PTPRD: variants seen among roughly 807,000 people sequenced by gnomAD.
PTPRD encodes protein tyrosine phosphatase receptor type D, also known as receptor-type tyrosine-protein phosphatase delta.
Under a neutral mutation model 214.5 loss-of-function variants are expected in PTPRD, and 34 were observed. That is an observed-to-expected ratio of 0.16 (90% CI 0.12 to 0.21). The LOEUF is 0.21. Among genes scored for constraint, PTPRD ranks in the 10% least tolerant of loss-of-function variants. PTPRD has a pLI of 1.00. For missense variants in PTPRD, 2,545 were observed against 2,398.7 expected (o/e 1.06, Z -1.27); for synonymous variants, 1,128 against 845.7 (o/e 1.33, Z -5.79).
At chr9:10,579,349 A>G (rs549477698) in intron 2 of PTPRD, among the ~76,000 whole-genome samples, 2 of 152,214 alleles carry the variant, frequency 1.3e-5, no homozygotes, top group South Asian at 4.1e-4. Flanking sequence ...TCCCACTTAT[A>G]AGTGAGAACG....
At chr9:9,934,708 C>A (rs2088440688) in intron 5 of PTPRD, among the ~76,000 whole-genome samples, 1 of 151,470 alleles carries the variant, frequency 6.6e-6, no homozygotes, top group Non-Finnish European at 1.5e-5. Context: ...AAGAGGGAAT[C>A]CTCCCTAACT....
intron 11 of PTPRD, among the ~76,000 whole-genome samples, chr9:8,789,113 C>G (rs1378020517): frequency 2.6e-5 from 4 of 152,132 alleles, no homozygotes; most frequent in Non-Finnish European, 5.9e-5. Context: ...TGAAGGATGA[C>G]TCCAAAGGCA....
chr9:9,645,909 G>T (rs557271337), intron 7 of PTPRD, among the ~76,000 whole-genome samples: 1 of 152,120 alleles, frequency 6.6e-6, no homozygotes, highest in East Asian at 1.9e-4. Context: ...ATTATTAATT[G>T]TTGTGGATAC....
At chr9:8,364,674 G>A (rs1321201758) in intron 39 of PTPRD, among the ~76,000 whole-genome samples, 1 of 152,208 alleles carries the variant, frequency 6.6e-6, no homozygotes, top group Non-Finnish European at 1.5e-5. Context: ...TCCAGGCACT[G>A]CCGCAAGGCA....
At chr9:9,080,869 C>G (rs534557004) in intron 10 of PTPRD, among the ~76,000 whole-genome samples, 4 of 151,830 alleles carry the variant, frequency 2.6e-5, no homozygotes, top group Non-Finnish European at 4.4e-5. Flanking sequence ...TTTATTGCAT[C>G]TATTTGGTTC....
At chr9:9,802,011 T>G (rs1409153646) in intron 5 of PTPRD, among the ~76,000 whole-genome samples, 1 of 152,030 alleles carries the variant, frequency 6.6e-6, no homozygotes, top group Admixed American at 6.6e-5. Flanking sequence ...TGGTGAGTAT[T>G]GAGAAAAAAA....
At chr9:10,545,290 G>A (rs1311978646) in intron 2 of PTPRD, among the ~76,000 whole-genome samples, 1 of 152,154 alleles carries the variant, frequency 6.6e-6, no homozygotes, top group Non-Finnish European at 1.5e-5. Flanking sequence ...TTCCCTGCAT[G>A]CCTGGAGGTA....
intron 14 of PTPRD, among the ~76,000 whole-genome samples, chr9:8,556,746 G>GT (rs918706168): frequency 4.7e-4 from 71 of 151,948 alleles, no homozygotes; most frequent in African/African-American, 1.7e-3. Context: ...ATTTTGACAG[G>GT]TAAAAAAAGT....
At chr9:10,465,572 G>C (rs1344562855) in intron 2 of PTPRD, among the ~76,000 whole-genome samples, 1 of 152,200 alleles carries the variant, frequency 6.6e-6, no homozygotes, top group African/African-American at 2.4e-5. Context: ...TCTATCACCT[G>C]GTGTTATTGT....
chr9:8,394,432 C>T (rs909419073), intron 36 of PTPRD, among the ~76,000 whole-genome samples: 1 of 152,088 alleles, frequency 6.6e-6, no homozygotes, highest in Admixed American at 6.6e-5. Flanking sequence ...GGTAAAGTCA[C>T]GTGTGCATTT....
intron 3 of PTPRD, among the ~76,000 whole-genome samples, chr9:10,256,243 C>G (rs1164199054): frequency 6.6e-6 from 1 of 152,116 alleles, no homozygotes; most frequent in Non-Finnish European, 1.5e-5. Context: ...GCCTAGACCT[C>G]TACAGGGTCA....
At chr9:9,803,438 T>A (rs1168627893) in intron 5 of PTPRD, among the ~76,000 whole-genome samples, 1 of 152,004 alleles carries the variant, frequency 6.6e-6, no homozygotes, top group Non-Finnish European at 1.5e-5. Context: ...ATTTATTTTC[T>A]TAAATTAATG....
Position 10,459,080 on chromosome 9 carries a change from G to C in PTPRD, c.-599-118063C>G, listed in dbSNP as rs141764779. On this transcript the variant is annotated intron_variant, in intron 2 of 45. Coordinates refer to ENST00000381196, the MANE Select transcript of PTPRD (RefSeq NM_002839.4). Reference sequence around the variant, plus strand: ...CCATCCATGACAGGCCCCAGTGTGTGATGTTCCTCTCTCTGTGTCCCTGTG... The same window carrying C: ...CCATCCATGACAGGCCCCAGTGTGTCATGTTCCTCTCTCTGTGTCCCTGTG... Among the ~76,000 whole-genome samples the C allele has an allele frequency of 4.9e-4, 74 of 152,122 alleles. 1 individual carries two copies. In the East Asian group the frequency reaches 0.014, roughly 28 times the overall value.
intron 8 of PTPRD, among the ~76,000 whole-genome samples, chr9:9,442,964 C>T (rs1009137347): frequency 6.6e-5 from 10 of 152,044 alleles, no homozygotes; most frequent in African/African-American, 2.2e-4. Flanking sequence ...TATGTATGCA[C>T]GTACATATAT....
intron 11 of PTPRD, among the ~76,000 whole-genome samples, chr9:8,939,476 A>AT (rs200750322): frequency 0.015 from 2,260 of 152,206 alleles, 25 homozygotes; most frequent in Middle Eastern, 0.02. Context: ...ATAAAGTATT[A>AT]TTTTTTCTCC....
At chr9:9,497,355 C>T (rs534831711) in intron 8 of PTPRD, among the ~76,000 whole-genome samples, 29 of 152,180 alleles carry the variant, frequency 1.9e-4, no homozygotes, top group African/African-American at 6.7e-4. Flanking sequence ...CAAATTTCTT[C>T]TCTAGTCTAT....
intron 10 of PTPRD, among the ~76,000 whole-genome samples, chr9:9,164,980 A>G (rs1289400174): frequency 6.6e-6 from 1 of 150,518 alleles, no homozygotes; most frequent in Non-Finnish European, 1.5e-5. Context: ...TTAACCCAAG[A>G]GGCAGAGGTT....
chr9:10,406,415 C>G (rs1245360158), intron 2 of PTPRD, among the ~76,000 whole-genome samples: 1 of 151,472 alleles, frequency 6.6e-6, no homozygotes, highest in Non-Finnish European at 1.5e-5. Context: ...CATGTCTACA[C>G]AGATTTCATA....
In PTPRD at chr9:9,957,969, AT is replaced by A. The variant is rs562205667; in HGVS notation, c.-471-19360del. 2.5e-3 allele frequency among the ~76,000 whole-genome samples: 383 copies of A among 152,304 alleles called. 1 individual carries two copies. Among genetic ancestry groups the A allele is most frequent in the African/African-American group, 8.7e-3 (361 of 41,576 alleles). ...TTGACAAAAAAGCAAGGGCAATTCA[AT>A]GGGGAAAAGGTATCTTTCAGCAAAT... On this transcript the variant is annotated intron_variant, in intron 4 of 45. Transcript: ENST00000381196.
Sources: gnomAD v4.1 joint callset for allele counts (sites outside exome capture counted in the v4.1 genomes callset) on GRCh38, gnomAD v4.1.1 for gene constraint, MANE v1.5 for transcripts, NCBI Gene and HGNC (gene_info 2026-07-23, HGNC 2026-07-21) for gene names.